Variants in KCNH7 observed in about 807,000 individuals in gnomAD.
KCNH7 encodes the protein potassium voltage-gated channel subfamily H member 7, also known as voltage-gated inwardly rectifying potassium channel KCNH7.
Under a neutral mutation model 120.8 loss-of-function variants are expected in KCNH7, and 49 were observed. That is an observed-to-expected ratio of 0.41 (90% CI 0.32 to 0.51). KCNH7 has a LOEUF of 0.51. KCNH7 is among the 20% of genes least tolerant of loss of function. The probability of loss-of-function intolerance (pLI) is 0.38; values close to 1 mark genes in which losing one functional copy is unlikely to be tolerated. For synonymous variants in KCNH7, 547 were observed against 516.1 expected, an observed-to-expected ratio of 1.06 and a Z score of -0.81; for missense variants, 1,097 against 1,446.6, an observed-to-expected ratio of 0.76 and a Z score of 3.92.
At chr2:162,543,246 A>G (rs1692371639) in intron 2 of KCNH7, among the ~76,000 whole-genome samples, 1 of 151,802 alleles carries the variant, frequency 6.6e-6, no homozygotes, top group South Asian at 2.1e-4. Flanking sequence ...GGTCTAAAGA[A>G]ACATCCTTAA....
intron 2 of KCNH7, among the ~76,000 whole-genome samples, chr2:162,607,407 T>C (rs901409312): frequency 6.6e-6 from 1 of 151,162 alleles, no homozygotes; most frequent in Non-Finnish European, 1.5e-5. Flanking sequence ...AAAAAGAAAG[T>C]CTAGAAATGA....
At chr2:162,782,569 C>G (rs546648408) in intron 2 of KCNH7, among the ~76,000 whole-genome samples, 38 of 152,150 alleles carry the variant, frequency 2.5e-4, no homozygotes, top group African/African-American at 8.9e-4. Flanking sequence ...GACCAGAGAC[C>G]AAATAAAGAG....
chr2:162,684,261 G>A (rs1025314187), intron 2 of KCNH7, among the ~76,000 whole-genome samples: 1 of 152,038 alleles, frequency 6.6e-6, no homozygotes, highest in Non-Finnish European at 1.5e-5. Flanking sequence ...AGAAAACATA[G>A]GCAATACCAT....
Position 162,373,587 on chromosome 2 carries a change from T to C in KCNH7, c.3207A>G (p.Pro1069=), listed in dbSNP as rs966892268. 9 of 1,584,098 alleles carry C rather than the reference T, an allele frequency of 5.7e-6. No individual in the cohort carries two copies. Among genetic ancestry groups the C allele is most frequent in the African/African-American group, 1.4e-5 (1 of 73,266 alleles). Residue 1069 remains proline, a synonymous_variant, in exon 15 of 16, where the codon CCA becomes CCG. Coordinates refer to ENST00000332142, the MANE Select transcript of KCNH7 (RefSeq NM_033272.4). ...ATCCTGCTGTTACCATACTGTAGGCTGGGGGGACCACAGTGGTTTGTTTCT... is the reference window on the plus strand; with the variant it reads ...ATCCTGCTGTTACCATACTGTAGGCCGGGGGGACCACAGTGGTTTGTTTCT... ...LLQKQTTVVP[P]AYSMVTAGSE...
chr2:162,492,092 C>T (rs1690330104), intron 6 of KCNH7, among the ~76,000 whole-genome samples: 1 of 152,216 alleles, frequency 6.6e-6, no homozygotes, highest in South Asian at 2.1e-4. Context: ...ACCAGTCAGA[C>T]TTCTGGCCTC....
At chr2:162,634,942 T>C (rs1683904860) in intron 2 of KCNH7, among the ~76,000 whole-genome samples, 1 of 152,104 alleles carries the variant, frequency 6.6e-6, no homozygotes, top group African/African-American at 2.4e-5. Context: ...TTGTAAAATA[T>C]AGCACCACAC....
At chr2:162,834,604 A>G (rs12105256) in intron 2 of KCNH7, among the ~76,000 whole-genome samples, 3,937 of 152,176 alleles carry the variant, frequency 0.026, 167 homozygotes, top group African/African-American at 0.089. Flanking sequence ...TTCAAATAGA[A>G]AGATTTGTAT....
intron 2 of KCNH7, among the ~76,000 whole-genome samples, chr2:162,571,839 C>T (rs1420824334): frequency 6.6e-5 from 10 of 151,216 alleles, no homozygotes; most frequent in Non-Finnish European, 1.2e-4. Context: ...AACTGGCTAG[C>T]CATATGTAGA....
At chr2:162,470,240 G>T (rs1275612002) in intron 6 of KCNH7, among the ~76,000 whole-genome samples, 1 of 151,810 alleles carries the variant, frequency 6.6e-6, no homozygotes, top group African/African-American at 2.4e-5. Context: ...CTGCCCGGCC[G>T]CCATCCCATC....
intron 2 of KCNH7, among the ~76,000 whole-genome samples, chr2:162,639,874 G>C (rs1168325780): frequency 2.0e-5 from 3 of 152,032 alleles, no homozygotes; most frequent in Admixed American, 6.6e-5. Flanking sequence ...AGTTCAGTAA[G>C]GGCACAGGAG....
intron 3 of KCNH7, 35 bp from the exon 4 acceptor site, chr2:162,518,193 G>C: frequency 6.8e-7 from 1 of 1,472,098 alleles, no homozygotes; most frequent in Non-Finnish European, 9.3e-7. Context: ...ATTATTATAA[G>C]GCAAATGATA....
At chr2:162,538,520 G>A (rs752261737) in intron 2 of KCNH7, among the ~76,000 whole-genome samples, 2 of 152,044 alleles carry the variant, frequency 1.3e-5, no homozygotes, top group Non-Finnish European at 2.9e-5. Flanking sequence ...CTGGAGACAG[G>A]GGCCGGGCAA....
chr2:162,377,950 C>A (rs1686270438), intron 14 of KCNH7, among the ~76,000 whole-genome samples: 1 of 151,986 alleles, frequency 6.6e-6, no homozygotes, highest in South Asian at 2.1e-4. Flanking sequence ...ATAAATGTGC[C>A]CTTAGAACAA....
chr2:162,537,445 C>T (rs1433248710), intron 2 of KCNH7, among the ~76,000 whole-genome samples: 1 of 151,898 alleles, frequency 6.6e-6, no homozygotes, highest in African/African-American at 2.4e-5. Flanking sequence ...ATCTGAATCT[C>T]TATAAAATAT....
At chr2:162,484,563 C>A (rs1690031043) in intron 6 of KCNH7, among the ~76,000 whole-genome samples, 1 of 152,116 alleles carries the variant, frequency 6.6e-6, no homozygotes, top group South Asian at 2.1e-4. Context: ...TGCAACAATT[C>A]ATTTTTGGCA....
intron 2 of KCNH7, among the ~76,000 whole-genome samples, chr2:162,665,951 T>C (rs1685117436): frequency 6.6e-6 from 1 of 152,222 alleles, no homozygotes; most frequent in African/African-American, 2.4e-5. Flanking sequence ...TTGCACAGCA[T>C]GGTACACATA....
rs150682944 is a variant in KCNH7, at chr2:162,737,191, G to A, written c.307+99346C>T. Reference sequence around the variant, plus strand: ...AAGCACCTCTGGGGCTAGTGATCCTGGTCTGTATGAGTTGGCTTTCTCTGC... The same window carrying A: ...AAGCACCTCTGGGGCTAGTGATCCTAGTCTGTATGAGTTGGCTTTCTCTGC... On this transcript the variant is annotated intron_variant, in intron 2 of 15. Transcript: ENST00000332142. Among the ~76,000 whole-genome samples the A allele has an allele frequency of 6.0e-4, 91 of 152,262 alleles. 1 individual carries two copies. The highest frequency in any genetic ancestry group is 2.2e-3 in the African/African-American group (90 of 41,556).
At chr2:162,617,621 A>G (rs1683195177) in intron 2 of KCNH7, among the ~76,000 whole-genome samples, 1 of 152,202 alleles carries the variant, frequency 6.6e-6, no homozygotes, top group African/African-American at 2.4e-5. Context: ...GCTGAGCATG[A>G]GTTAGGATTC....
At chr2:162,544,283 T>TGTGTGAAA (rs1692405725) in intron 2 of KCNH7, among the ~76,000 whole-genome samples, 4 of 152,248 alleles carry the variant, frequency 2.6e-5, no homozygotes, top group Admixed American at 6.5e-5. Context: ...GCAGTAGAAA[T>TGTGTGAAA]GTGTGAAACA....
Sources: allele counts gnomAD v4.1 joint callset (sites outside exome capture counted in the v4.1 genomes callset), GRCh38; gene constraint gnomAD v4.1.1; transcripts MANE v1.5; gene names NCBI Gene and HGNC (gene_info 2026-07-23, HGNC 2026-07-21).